TTC28: variants seen among roughly 807,000 people sequenced by gnomAD.
TTC28 encodes the protein tetratricopeptide repeat protein 28.
A neutral mutation model predicts 198.0 loss-of-function variants in TTC28; 61 were observed. The ratio of observed to expected loss-of-function variants is 0.31; its 90% confidence interval spans 0.25 to 0.38. The LOEUF is 0.38. TTC28 is among the 10% of genes least tolerant of loss of function. The pLI is 1.00. For synonymous variants in TTC28, 1,171 were observed against 1,297.8 expected (o/e 0.90, Z 2.10); for missense variants, 2,678 against 3,164.0 (o/e 0.85, Z 3.69).
intron 5 of TTC28, among the ~76,000 whole-genome samples, chr22:28,199,389 A>G (rs1049367857): frequency 1.2e-4 from 1 of 8,692 alleles, no homozygotes; most frequent in South Asian, 7.0e-3. Flanking sequence ...AAAATTATAT[A>G]TATATATATA....
chr22:28,283,409 A>C (rs1219583878), intron 5 of TTC28, among the ~76,000 whole-genome samples: 1 of 152,124 alleles, frequency 6.6e-6, no homozygotes, highest in Non-Finnish European at 1.5e-5. Context: ...TAAAGCACAT[A>C]GTGTAGAAAA....
At chr22:28,273,865 CA>C (rs1932246092) in intron 5 of TTC28, among the ~76,000 whole-genome samples, 1 of 152,006 alleles carries the variant, frequency 6.6e-6, no homozygotes, top group South Asian at 2.1e-4. Context: ...ATACTATCTT[CA>C]ATAACAACAA....
At chr22:28,369,618 A>G (rs1286758717) in intron 2 of TTC28, among the ~76,000 whole-genome samples, 2 of 152,330 alleles carry the variant, frequency 1.3e-5, no homozygotes, top group Admixed American at 6.5e-5. Flanking sequence ...TTCATTTAAA[A>G]TATCTTTCAT....
In TTC28 at chr22:28,359,410, A is replaced by C. The variant is rs536260508; in HGVS notation, c.382-52767T>G. Among the ~76,000 whole-genome samples the C allele has an allele frequency of 3.3e-5, 5 of 152,300 alleles. No individual in the cohort carries two copies. In the South Asian group the frequency reaches 1.0e-3, roughly 32 times the overall value. Reference sequence around the variant, plus strand: ...ATTGATCAAGCAAATTGGTTTAGTGATTGGGTCAAGGAAAACAGCTACCCA... The same window carrying C: ...ATTGATCAAGCAAATTGGTTTAGTGCTTGGGTCAAGGAAAACAGCTACCCA... On this transcript the variant is annotated intron_variant, in intron 2 of 22. Coordinates refer to ENST00000397906, the MANE Select transcript of TTC28 (RefSeq NM_001145418.2).
At chr22:28,396,508 T>A (rs2046819177) in intron 2 of TTC28, among the ~76,000 whole-genome samples, 2 of 152,190 alleles carry the variant, frequency 1.3e-5, no homozygotes, top group Non-Finnish European at 2.9e-5. Flanking sequence ...AACCCCTTTT[T>A]AATGAAGCCA....
At chr22:28,121,496 A>G (rs970286081) in intron 6 of TTC28, among the ~76,000 whole-genome samples, 1 of 152,256 alleles carries the variant, frequency 6.6e-6, no homozygotes, top group Non-Finnish European at 1.5e-5. Context: ...CACTAGTCTC[A>G]AGACCTAGAG....
chr22:28,327,276 C>A (rs1482200252), intron 2 of TTC28, among the ~76,000 whole-genome samples: 1 of 151,930 alleles, frequency 6.6e-6, no homozygotes, highest in Non-Finnish European at 1.5e-5. Flanking sequence ...TATTTGTAAC[C>A]CCAATTCTCA....
At chr22:28,547,589 C>T (rs1366608591) in intron 2 of TTC28, among the ~76,000 whole-genome samples, 1 of 152,010 alleles carries the variant, frequency 6.6e-6, no homozygotes, top group Non-Finnish European at 1.5e-5. Context: ...TATTCTGAGT[C>T]ACAATTTTAT....
chr22:28,044,619 A>G (rs370148626), intron 12 of TTC28, among the ~76,000 whole-genome samples: 1 of 151,934 alleles, frequency 6.6e-6, no homozygotes, highest in East Asian at 1.9e-4. Flanking sequence ...CCAACCCACA[A>G]CAGTCCCCGG....
At chr22:28,086,645 G>C (rs1666425559) in intron 12 of TTC28, among the ~76,000 whole-genome samples, 1 of 151,986 alleles carries the variant, frequency 6.6e-6, no homozygotes, top group Admixed American at 6.6e-5. Flanking sequence ...CTAGCAGAAG[G>C]CAAGAAATAA....
chr22:28,214,704 C>A (rs1019976270), intron 5 of TTC28, among the ~76,000 whole-genome samples: 5 of 152,192 alleles, frequency 3.3e-5, no homozygotes, highest in Admixed American at 6.5e-5. Flanking sequence ...CTAGTTCAAC[C>A]ATTTTGGAAG....
chr22:28,361,318 C>T (rs73437900), intron 2 of TTC28, among the ~76,000 whole-genome samples: 14,998 of 152,178 alleles, frequency 0.099, 850 homozygotes, highest in African/African-American at 0.12. Flanking sequence ...ATTAAAAGTG[C>T]TACTCTGGTG....
At chr22:28,340,169 G>A (rs1485854366) in intron 2 of TTC28, among the ~76,000 whole-genome samples, 2 of 152,042 alleles carry the variant, frequency 1.3e-5, no homozygotes, top group Non-Finnish European at 1.5e-5. Context: ...TATTATGGAC[G>A]AGTTACATGA....
rs541081453 is a variant in TTC28, at chr22:28,221,901, T to C, written c.934-58302A>G. Reference sequence around the variant, plus strand: ...TGAATATGAGAAGGAAAAGACCATATCTATCCATTCAACTTTGTATCCTTT... The same window carrying C: ...TGAATATGAGAAGGAAAAGACCATACCTATCCATTCAACTTTGTATCCTTT... On this transcript the variant is annotated intron_variant, in intron 5 of 22. Coordinates refer to ENST00000397906, the MANE Select transcript of TTC28 (RefSeq NM_001145418.2). Among the ~76,000 whole-genome samples, 9 of 152,318 alleles carry C rather than the reference T, an allele frequency of 5.9e-5. No individual in the cohort carries two copies. The East Asian group carries it at 1.7e-3, about 29-fold the overall frequency.
intron 5 of TTC28, among the ~76,000 whole-genome samples, chr22:28,212,425 C>CA: frequency 8.9e-6 from 1 of 112,056 alleles, no homozygotes; most frequent in African/African-American, 2.7e-5. Context: ...ATAGATGCAA[C>CA]AAAAAATAAT....
intron 3 of TTC28, chr22:28,303,879 AAAC>A: frequency 6.6e-6 from 1 of 152,236 alleles, no homozygotes; most frequent in African/African-American, 2.4e-5. Flanking sequence ...AAAAATACAA[AAAC>A]AACTGACATA....
intron 2 of TTC28, among the ~76,000 whole-genome samples, chr22:28,614,144 C>A (rs961464519): frequency 6.6e-6 from 1 of 152,130 alleles, no homozygotes; most frequent in East Asian, 1.9e-4. Context: ...TTCCTATACA[C>A]CAATAACAGA....
rs755453491 is a variant in TTC28, at chr22:28,107,577, T to C, written c.2268A>G (p.Ala756=). The change falls in exon 7 of 23, where the codon GCA becomes GCG. Residue 756 remains alanine, a synonymous_variant. Transcript: ENST00000397906. ...QVKDRRLEAS[A]YAALGTAYRM... ...GGTATGCAGTGCCCAGGGCTGCATA[T>C]GCACTGGCTTCTAATCTTCTGTCCT... The C allele has an allele frequency of 1.4e-5, 21 of 1,551,778 alleles. No individual in the cohort carries two copies. Among genetic ancestry groups the C allele is most frequent in the Non-Finnish European group, 1.8e-5 (21 of 1,147,010 alleles).
chr22:28,592,472 CTTAAA>C (rs1414718065), intron 2 of TTC28, among the ~76,000 whole-genome samples: 2 of 151,954 alleles, frequency 1.3e-5, no homozygotes, highest in Non-Finnish European at 2.9e-5. Flanking sequence ...TCAACACAAG[CTTAAA>C]TTAAATCTGT....
Sources: allele counts gnomAD v4.1 joint callset (sites outside exome capture counted in the v4.1 genomes callset), GRCh38; gene constraint gnomAD v4.1.1; transcripts MANE v1.5; gene names NCBI Gene and HGNC (gene_info 2026-07-23, HGNC 2026-07-21).